CREB5: variants seen among roughly 807,000 people sequenced by gnomAD.
CREB5 encodes cyclic AMP-responsive element-binding protein 5.
A neutral mutation model predicts 57.1 loss-of-function variants in CREB5; 19 were observed. The ratio of observed to expected loss-of-function variants is 0.33; its 90% confidence interval spans 0.23 to 0.49. The LOEUF is 0.49. Ranked by LOEUF, CREB5 falls within the 20% of genes least tolerant of loss-of-function variation. The pLI is 0.99. For missense variants in CREB5, 579 were observed against 671.6 expected, an observed-to-expected ratio of 0.86 and a Z score of 1.52; for synonymous variants, 238 against 238.3, an observed-to-expected ratio of 1.00 and a Z score of 0.01.
intron 4 of CREB5, among the ~76,000 whole-genome samples, chr7:28,560,851 T>TGCGTGCGTGCGCGTGC (rs1416148801): frequency 2.2e-4 from 15 of 69,138 alleles, no homozygotes; most frequent in African/African-American, 2.8e-4. Context: ...TGTGCGCGTG[T>TGCGTGCGTGCGCGTGC]GTGTGTGCGT....
At chr7:28,715,411 A>G (rs1289193020) in intron 5 of CREB5, among the ~76,000 whole-genome samples, 2 of 152,262 alleles carry the variant, frequency 1.3e-5, no homozygotes, top group Non-Finnish European at 2.9e-5. Context: ...GTTAGGGACA[A>G]TAAAATGCCT....
At chr7:28,734,346 A>C (rs1456893724) in intron 7 of CREB5, among the ~76,000 whole-genome samples, 2 of 152,180 alleles carry the variant, frequency 1.3e-5, no homozygotes, top group African/African-American at 4.8e-5. Flanking sequence ...TTAAAATGAA[A>C]ATTTCCTTTG....
intron 1 of CREB5, among the ~76,000 whole-genome samples, chr7:28,323,133 C>A (rs1411318408): frequency 2.6e-5 from 4 of 152,124 alleles, no homozygotes; most frequent in African/African-American, 4.8e-5. Context: ...AACATTAGCA[C>A]CCTAATTCTT....
chr7:28,555,271 G>A (rs992253183), intron 4 of CREB5, among the ~76,000 whole-genome samples: 2 of 152,234 alleles, frequency 1.3e-5, no homozygotes, highest in African/African-American at 2.4e-5. Flanking sequence ...GCCAGCAGAT[G>A]TGAGATTAGT....
At chr7:28,333,207 G>T (rs145725432) in intron 1 of CREB5, among the ~76,000 whole-genome samples, 60 of 152,094 alleles carry the variant, frequency 3.9e-4, no homozygotes, top group African/African-American at 1.2e-3. Flanking sequence ...CCTTCAGCAT[G>T]GTCTTTTTTC....
intron 4 of CREB5, among the ~76,000 whole-genome samples, chr7:28,551,988 TC>T (rs1794682067): frequency 3.2e-5 from 1 of 31,058 alleles, no homozygotes; most frequent in African/African-American, 2.9e-4. Context: ...TCTCTCTCTT[TC>T]TCTCTTTTCT....
intron 4 of CREB5, among the ~76,000 whole-genome samples, chr7:28,561,761 C>T (rs991869424): frequency 6.6e-6 from 1 of 152,116 alleles, no homozygotes; most frequent in African/African-American, 2.4e-5. Flanking sequence ...TTTTATTTTT[C>T]GAGATGGAGT....
intron 5 of CREB5, among the ~76,000 whole-genome samples, chr7:28,629,827 A>T (rs1798137217): frequency 6.6e-6 from 1 of 152,222 alleles, no homozygotes; most frequent in Admixed American, 6.5e-5. Context: ...TTGAGTGTCC[A>T]CCCTCAAAGA....
chr7:28,309,668 T>G (rs190736227), intron 1 of CREB5, among the ~76,000 whole-genome samples: 27 of 152,302 alleles, frequency 1.8e-4, no homozygotes, highest in Admixed American at 5.9e-4. Flanking sequence ...GGCTCCTTTT[T>G]GATACTGATG....
At chr7:28,473,834 C>T (rs565595514) in intron 1 of CREB5, among the ~76,000 whole-genome samples, 2 of 152,296 alleles carry the variant, frequency 1.3e-5, no homozygotes, top group East Asian at 1.9e-4. Flanking sequence ...TCATTGTCAC[C>T]TTTGGGTCCA....
intron 1 of CREB5, among the ~76,000 whole-genome samples, chr7:28,439,830 T>C (rs1462865926): frequency 6.6e-6 from 1 of 152,210 alleles, no homozygotes; most frequent in Non-Finnish European, 1.5e-5. Flanking sequence ...AGTTGCATTA[T>C]TATTTTTCTC....
chr7:28,299,944 T>C (rs561493502), intron 1 of CREB5, among the ~76,000 whole-genome samples: 1 of 152,226 alleles, frequency 6.6e-6, no homozygotes, highest in Non-Finnish European at 1.5e-5. Context: ...ATTTTGATAA[T>C]TAAATGTAAT....
intron 4 of CREB5, among the ~76,000 whole-genome samples, chr7:28,560,503 T>A (rs1436752314): frequency 6.6e-6 from 1 of 151,856 alleles, no homozygotes; most frequent in Non-Finnish European, 1.5e-5. Flanking sequence ...GGGTCTGGAG[T>A]GTTCTGGGAG....
chr7:28,568,278 C>T (rs1226040379), intron 4 of CREB5, among the ~76,000 whole-genome samples: 1 of 152,122 alleles, frequency 6.6e-6, no homozygotes, highest in African/African-American at 2.4e-5. Flanking sequence ...TTAAATTGTA[C>T]AGCATCAATA....
intron 5 of CREB5, among the ~76,000 whole-genome samples, chr7:28,612,649 A>C (rs562123188): frequency 1.3e-5 from 2 of 151,662 alleles, no homozygotes; most frequent in Admixed American, 6.6e-5. Flanking sequence ...AGGGGTTTCC[A>C]AGGAAAACAT....
At chr7:28,417,311 T>G (rs1788067231) in intron 1 of CREB5, among the ~76,000 whole-genome samples, 1 of 151,984 alleles carries the variant, frequency 6.6e-6, no homozygotes, top group African/African-American at 2.4e-5. Context: ...ATAATCCATA[T>G]AAAAATGTTA....
chr7:28,426,289 A>G (rs1788508232), intron 1 of CREB5, among the ~76,000 whole-genome samples: 1 of 152,210 alleles, frequency 6.6e-6, no homozygotes, highest in South Asian at 2.1e-4. Flanking sequence ...AAACCAGTAA[A>G]TGGAGGAGTT....
chr7:28,438,566 T>A (rs1789053605), intron 1 of CREB5, among the ~76,000 whole-genome samples: 2 of 152,222 alleles, frequency 1.3e-5, no homozygotes, highest in South Asian at 4.1e-4. Flanking sequence ...AGATGTCTGA[T>A]GTTACCATAC....
intron 5 of CREB5, among the ~76,000 whole-genome samples, chr7:28,692,096 G>C (rs1801300437): frequency 6.6e-6 from 1 of 151,092 alleles, no homozygotes; most frequent in Non-Finnish European, 1.5e-5. Flanking sequence ...TGAGGCAGGA[G>C]AATTGCTTGA....
Sources: gnomAD v4.1 joint callset for allele counts (sites outside exome capture counted in the v4.1 genomes callset) on GRCh38, gnomAD v4.1.1 for gene constraint, MANE v1.5 for transcripts, NCBI Gene and HGNC (gene_info 2026-07-23, HGNC 2026-07-21) for gene names.